The following CCDC181 variants were observed in gnomAD, a reference collection of about 807,000 sequenced individuals.
CCDC181 encodes the protein coiled-coil domain-containing protein 181.
In CCDC181, 35 loss-of-function variants were observed where a neutral mutation model predicts 58.7. The ratio of observed to expected loss-of-function variants is 0.60; its 90% CI spans 0.46 to 0.79. The LOEUF is 0.79. Among genes scored for constraint, CCDC181 ranks in the 30% least tolerant of loss-of-function variants. The pLI, the probability that CCDC181 is intolerant of heterozygous loss-of-function variation, is 0.00. For missense variants in CCDC181, 517 were observed against 583.9 expected (o/e 0.89, Z 1.18); for synonymous variants, 183 against 197.5 (o/e 0.93, Z 0.62).
chr1:169,456,306 G>C (rs1263489286), intron 2 of CCDC181, among the ~76,000 whole-genome samples: 1 of 152,108 alleles, frequency 6.6e-6, no homozygotes, highest in East Asian at 1.9e-4. Flanking sequence ...CAGATGCACT[G>C]TGCAACCCTT....
chr1:169,400,142 C>T (rs1655257059), intron 4 of CCDC181, among the ~76,000 whole-genome samples: 1 of 152,110 alleles, frequency 6.6e-6, no homozygotes, highest in South Asian at 2.1e-4. Flanking sequence ...ATTGGAGTTC[C>T]AATCCAACTA....
At chr1:169,452,044 C>T (rs1366741815) in intron 2 of CCDC181, among the ~76,000 whole-genome samples, 10 of 151,020 alleles carry the variant, frequency 6.6e-5, no homozygotes, top group Admixed American at 4.6e-4. Context: ...AAGTGATCAG[C>T]GTAGACATGG....
At chr1:169,418,018 C>T (rs1267157790) in intron 4 of CCDC181, among the ~76,000 whole-genome samples, 3 of 152,094 alleles carry the variant, frequency 2.0e-5, no homozygotes, top group Non-Finnish European at 4.4e-5. Context: ...TCTCACACAC[C>T]GTTGGAGGAA....
At position 169,409,927 on chromosome 1, in the gene CCDC181, G is replaced by A. The variant is rs538921188; in HGVS notation, c.1215+9086C>T. Among the ~76,000 whole-genome samples, 29 of 152,196 alleles carry A rather than the reference G, an allele frequency of 1.9e-4. 1 individual carries two copies. The highest frequency in any genetic ancestry group is 1.2e-3 in the South Asian group (6 of 4,818). ...GGAAAAACAGATACCAACCACTGCC[G>A]AAACATGCCAATTGTAAAGACCATT... On this transcript the variant is annotated intron_variant, in intron 4 of 5. Transcript: ENST00000367806.
chr1:169,404,563 A>G (rs1028528342), intron 4 of CCDC181, among the ~76,000 whole-genome samples: 2 of 152,236 alleles, frequency 1.3e-5, no homozygotes, highest in Non-Finnish European at 2.9e-5. Context: ...CAAAAACCAC[A>G]TGATTATCTC....
At chr1:169,444,813 C>T (rs1657328399) in intron 2 of CCDC181, among the ~76,000 whole-genome samples, 1 of 152,132 alleles carries the variant, frequency 6.6e-6, no homozygotes, top group Non-Finnish European at 1.5e-5. Flanking sequence ...ATAATGAGCA[C>T]ATCTTGTCTC....
chr1:169,459,798 T>G (rs1308089294), exon 2 of CCDC181: 1 of 150,640 alleles, frequency 6.6e-6, no homozygotes, highest in Non-Finnish European at 1.5e-5. Flanking sequence ...AGTACTGACC[T>G]AGAATTTAAG....
chr1:169,407,687 A>C (rs1356939392), intron 4 of CCDC181, among the ~76,000 whole-genome samples: 1 of 152,138 alleles, frequency 6.6e-6, no homozygotes, highest in African/African-American at 2.4e-5. Context: ...CAGTGAGACC[A>C]ACACAGAAGG....
intron 4 of CCDC181, among the ~76,000 whole-genome samples, chr1:169,399,029 A>G (rs1655203994): frequency 6.6e-6 from 1 of 152,242 alleles, no homozygotes; most frequent in Non-Finnish European, 1.5e-5. Flanking sequence ...GTAGCAAAGT[A>G]GCTGAAGAGT....
At chr1:169,430,332 A>G (rs1352029045), upstream of CCDC181, among the ~76,000 whole-genome samples, 1 of 152,146 alleles carries the variant, frequency 6.6e-6, no homozygotes, top group Non-Finnish European at 1.5e-5. Context: ...GTGAAGAATG[A>G]TAATGGTATT....
At chr1:169,456,091 C>T (rs1288363816) in intron 2 of CCDC181, among the ~76,000 whole-genome samples, 1 of 152,062 alleles carries the variant, frequency 6.6e-6, no homozygotes, top group Non-Finnish European at 1.5e-5. Flanking sequence ...GCCATTTCAG[C>T]CTGTTTGCCT....
At chr1:169,397,831 T>C (rs1248564426) in intron 4 of CCDC181, among the ~76,000 whole-genome samples, 2 of 152,212 alleles carry the variant, frequency 1.3e-5, no homozygotes, top group African/African-American at 4.8e-5. Context: ...GAAGACAGAT[T>C]TGGTACTCTT....
Position 169,422,135 on chromosome 1 carries a change from T to C in CCDC181, c.296A>G (p.Asp99Gly). 1 of 1,613,676 alleles carries C rather than the reference T, an allele frequency of 6.2e-7. No individual in the cohort carries two copies. Among genetic ancestry groups the C allele is most frequent in the Non-Finnish European group, 8.5e-7 (1 of 1,179,748 alleles). The change falls in exon 3 of 6, where the codon GAT (aspartate) becomes GGT (glycine). Residue 99 changes from aspartate (D) to glycine (G), a missense_variant. Physicochemically the swap from Asp to Gly is moderately conservative, Grantham distance 94 (BLOSUM62 -1). Coordinates refer to ENST00000367806, the MANE Select transcript of CCDC181 (RefSeq NM_001300969.2). ...IQPLDPISDS[D>G]SENSFQESKL... ...GGATTCCTGGAAAGAGTTTTCACTATCTGAATCTGATATGGGATCCAAAGG... is the reference window on the plus strand; with the variant it reads ...GGATTCCTGGAAAGAGTTTTCACTACCTGAATCTGATATGGGATCCAAAGG...
In CCDC181 at chr1:169,394,922, T is replaced by A; in HGVS notation, c.*125A>T. The A allele has an allele frequency of 1.1e-6, 1 of 878,934 alleles. No individual in the cohort carries two copies. The highest frequency in any genetic ancestry group is 1.6e-6 in the Non-Finnish European group (1 of 618,740). 54.4% of individuals were successfully genotyped at this position (878,934 alleles called of 1,614,324 possible). The stretch of plus-strand genomic sequence containing the variant: ...TTTGTTCTAGTATTAAAAAAACAAA[T>A]TCACTGTCAATAAAAGATAAATACC... On this transcript the variant is annotated 3_prime_UTR_variant, in exon 6 of 6. Coordinates refer to ENST00000367806, the MANE Select transcript of CCDC181 (RefSeq NM_001300969.2).
intron 2 of CCDC181, among the ~76,000 whole-genome samples, chr1:169,433,673 C>T (rs1158503843): frequency 1.3e-5 from 2 of 151,842 alleles, no homozygotes; most frequent in Non-Finnish European, 2.9e-5. Flanking sequence ...TATGAAACTC[C>T]GAGGGGAAAG....
chr1:169,421,690 A>G lies in CCDC181; in HGVS notation c.741T>C (p.Ser247=), dbSNP rs111808141. The change falls in exon 3 of 6, where the codon AGT becomes AGC. Residue 247 remains serine, a synonymous_variant. Coordinates refer to ENST00000367806, the MANE Select transcript of CCDC181 (RefSeq NM_001300969.2). ...GFLPPINNAN[S]TENDPQQLLP... ...ACAACTGCTGAGGGTCATTTTCTGT[A>G]CTATTTGCATTATTAATGGGAGGCA... The G allele has an allele frequency of 5.6e-6, 9 of 1,613,892 alleles. No homozygotes were observed. The highest frequency in any genetic ancestry group is 4.0e-5 in the African/African-American group (3 of 74,878).
intron 4 of CCDC181, among the ~76,000 whole-genome samples, chr1:169,404,874 C>G (rs372250066): frequency 6.6e-6 from 1 of 152,192 alleles, no homozygotes; most frequent in African/African-American, 2.4e-5. Context: ...CAAATTGTCC[C>G]TGTTTGCAGA....
rs1557870403 is a variant in CCDC181, at chr1:169,421,687, T to C, written c.744A>G (p.Thr248=). ...FLPPINNANS[T]ENDPQQLLPR... Reference sequence around the variant, plus strand: ...GTAACAACTGCTGAGGGTCATTTTCTGTACTATTTGCATTATTAATGGGAG... The same window carrying C: ...GTAACAACTGCTGAGGGTCATTTTCCGTACTATTTGCATTATTAATGGGAG... The change falls in exon 3 of 6, where the codon ACA becomes ACG. Residue 248 remains threonine (T), a synonymous_variant. Transcript: ENST00000367806. 3.7e-6 allele frequency: 6 copies of C among 1,614,150 alleles called. No homozygotes were observed. Among genetic ancestry groups the C allele is most frequent in the Non-Finnish European group, 5.1e-6 (6 of 1,180,020 alleles).
rs115117589 is a variant in CCDC181 at position 169,419,205 on chromosome 1, T to A, written c.1069-46A>T. The A allele has an allele frequency of 1.8e-3, 2,711 of 1,490,278 alleles. 44 individuals carry two copies. In the African/African-American group the frequency reaches 0.034, roughly 18 times the overall value. 92.3% of individuals were successfully genotyped at this position (1,490,278 alleles called of 1,614,324 possible). On this transcript the variant is annotated intron_variant, in intron 3 of 5. Transcript: ENST00000367806. ...GACATTAATGGAAGATTAATAAAATTGTATGAGTTATCAGAGTAGAGAGAT... is the reference window on the plus strand; with the variant it reads ...GACATTAATGGAAGATTAATAAAATAGTATGAGTTATCAGAGTAGAGAGAT...
Sources: allele counts gnomAD v4.1 joint callset (sites outside exome capture counted in the v4.1 genomes callset), GRCh38; gene constraint gnomAD v4.1.1; transcripts MANE v1.5; gene names NCBI Gene and HGNC (gene_info 2026-07-23, HGNC 2026-07-21).